The following XRCC4 variants were observed in gnomAD, a reference collection of about 807,000 sequenced individuals.
The protein encoded by XRCC4 is X-ray repair cross complementing 4, also known as DNA repair protein XRCC4.
A neutral mutation model predicts 39.1 loss-of-function variants in XRCC4; 28 were observed. That is an observed-to-expected ratio of 0.72 (90% CI 0.53 to 0.98). XRCC4 has a LOEUF of 0.98. XRCC4 is among the 50% of genes least tolerant of loss of function. The probability of loss-of-function intolerance (pLI) is 0.00; values close to 1 mark genes in which losing one functional copy is unlikely to be tolerated. For missense variants in XRCC4, 350 were observed against 376.4 expected (o/e 0.93, Z 0.58); for synonymous variants, 123 against 126.4 (o/e 0.97, Z 0.18).
At chr5:83,323,981 T>G (rs1016492204) in intron 7 of XRCC4, among the ~76,000 whole-genome samples, 4 of 152,074 alleles carry the variant, frequency 2.6e-5, no homozygotes, top group African/African-American at 9.7e-5. Context: ...TCAGTTTCAC[T>G]TCAGTTTTTT....
Position 83,353,259 on chromosome 5 carries a change from T to C in XRCC4, c.*17T>C, listed in dbSNP as rs1757135481. On this transcript the variant is annotated 3_prime_UTR_variant, in exon 8 of 8. Transcript: ENST00000396027. ...GAGATTTAACAGTCTCAAAAAATAC[T>C]TTGATGTTCACTAGACTATGTTTTC... 2 of 1,548,686 alleles carry C rather than the reference T, an allele frequency of 1.3e-6. No homozygotes were observed. Among genetic ancestry groups the C allele is most frequent in the East Asian group, 2.3e-5 (1 of 44,128 alleles).
intron 2 of XRCC4, among the ~76,000 whole-genome samples, chr5:83,105,715 C>G (rs981074516): frequency 2.0e-5 from 3 of 152,040 alleles, no homozygotes; most frequent in East Asian, 3.8e-4. Flanking sequence ...TAATACTCTT[C>G]TAAAGTATCT....
intron 7 of XRCC4, among the ~76,000 whole-genome samples, chr5:83,338,709 C>T (rs1234165216): frequency 6.6e-6 from 1 of 152,110 alleles, no homozygotes; most frequent in Non-Finnish European, 1.5e-5. Flanking sequence ...TCAAAATGAA[C>T]ATCAGTTCAG....
chr5:83,368,630 C>T, the XRCC4 span, among the ~76,000 whole-genome samples: 1 of 152,168 alleles, frequency 6.6e-6, no homozygotes, highest in African/African-American at 2.4e-5. Context: ...GGGAAGTTGG[C>T]TGTGCTCTGC....
intron 7 of XRCC4, among the ~76,000 whole-genome samples, chr5:83,329,079 G>T (rs1278092561): frequency 6.6e-6 from 1 of 151,938 alleles, no homozygotes; most frequent in African/African-American, 2.4e-5. Context: ...CCAGCAAGTT[G>T]ATTTTTTATT....
intron 3 of XRCC4, among the ~76,000 whole-genome samples, chr5:83,171,457 A>G (rs1259035634): frequency 6.6e-6 from 1 of 152,184 alleles, no homozygotes; most frequent in African/African-American, 2.4e-5. Flanking sequence ...TGAACTTCCA[A>G]CAATTACAAT....
intron 3 of XRCC4, among the ~76,000 whole-genome samples, chr5:83,163,158 G>GTTGGTC (rs1461143560): frequency 6.6e-6 from 1 of 151,892 alleles, no homozygotes; most frequent in Non-Finnish European, 1.5e-5. Flanking sequence ...TTTTGGCCAG[G>GTTGGTC]TTGGTCTTGA....
intron 7 of XRCC4, among the ~76,000 whole-genome samples, chr5:83,310,577 T>G (rs777275401): frequency 5.3e-5 from 8 of 152,190 alleles, no homozygotes; most frequent in Non-Finnish European, 1.0e-4. Context: ...ATGCCTGGAA[T>G]CTATGGTGAC....
intron 6 of XRCC4, among the ~76,000 whole-genome samples, chr5:83,231,103 T>G (rs932174415): frequency 1.3e-5 from 2 of 152,052 alleles, no homozygotes; most frequent in African/African-American, 4.8e-5. Flanking sequence ...GTGGAAAAGA[T>G]TTAGACTGTG....
intron 1 of XRCC4, among the ~76,000 whole-genome samples, chr5:83,082,533 G>A (rs896884934): frequency 3.3e-5 from 5 of 152,146 alleles, no homozygotes; most frequent in African/African-American, 1.2e-4. Flanking sequence ...ATATACAGAA[G>A]AATAAAACAT....
chr5:83,113,872 C>T (rs186030616), intron 3 of XRCC4, among the ~76,000 whole-genome samples: 34 of 152,256 alleles, frequency 2.2e-4, no homozygotes, highest in South Asian at 1.7e-3. Context: ...GTGATCCGCC[C>T]GCCTCAGCCC....
At chr5:83,340,089 A>G (rs1756709429) in intron 7 of XRCC4, among the ~76,000 whole-genome samples, 1 of 152,204 alleles carries the variant, frequency 6.6e-6, no homozygotes, top group Non-Finnish European at 1.5e-5. Flanking sequence ...TTTGAGCTAT[A>G]GATAATATTA....
intron 3 of XRCC4, among the ~76,000 whole-genome samples, chr5:83,120,422 A>G (rs1481219203): frequency 3.3e-5 from 5 of 152,200 alleles, no homozygotes; most frequent in Admixed American, 1.3e-4. Flanking sequence ...CAGGCTCCCA[A>G]CTACCTGTTT....
chr5:83,140,434 C>G (rs1401865998), intron 3 of XRCC4, among the ~76,000 whole-genome samples: 1 of 152,218 alleles, frequency 6.6e-6, no homozygotes, highest in Non-Finnish European at 1.5e-5. Context: ...TCCCACCTTT[C>G]TCGCCTGCTT....
chr5:83,144,676 T>A (rs1748365835), intron 3 of XRCC4, among the ~76,000 whole-genome samples: 1 of 151,628 alleles, frequency 6.6e-6, no homozygotes, highest in African/African-American at 2.4e-5. Context: ...CATTCTCTTT[T>A]TTCCTTTTCT....
intron 3 of XRCC4, among the ~76,000 whole-genome samples, chr5:83,122,319 C>A (rs1296012728): frequency 1.3e-5 from 2 of 152,006 alleles, no homozygotes; most frequent in East Asian, 3.9e-4. Context: ...ATATTTAGGT[C>A]AGTGTTTCCT....
At position 83,342,812 on chromosome 5, in the gene XRCC4, A is replaced by G. The variant is rs574503021; in HGVS notation, c.894-10319A>G. ...CTAAGATCAAATTTTTTTTAATACTAACATTTAAAATTTGAAAATACAGTG... is the reference window on the plus strand; with the variant it reads ...CTAAGATCAAATTTTTTTTAATACTGACATTTAAAATTTGAAAATACAGTG... On this transcript the variant is annotated intron_variant, in intron 7 of 7. Coordinates refer to ENST00000396027, the MANE Select transcript of XRCC4 (RefSeq NM_003401.5). 2.9e-4 allele frequency among the ~76,000 whole-genome samples: 44 copies of G among 152,258 alleles called. 1 individual carries two copies. The South Asian group carries it at 8.1e-3, about 28-fold the overall frequency.
intron 6 of XRCC4, among the ~76,000 whole-genome samples, chr5:83,222,357 A>G (rs916102079): frequency 1.3e-5 from 2 of 152,180 alleles, no homozygotes; most frequent in African/African-American, 4.8e-5. Flanking sequence ...CACACTTTTT[A>G]AAACAACACT....
intron 3 of XRCC4, among the ~76,000 whole-genome samples, chr5:83,161,310 T>G (rs190742831): frequency 1.3e-5 from 2 of 152,236 alleles, no homozygotes; most frequent in Non-Finnish European, 2.9e-5. Context: ...TTTCGTATTT[T>G]TAGTAGAGAC....
Sources: gnomAD v4.1 joint callset for allele counts (sites outside exome capture counted in the v4.1 genomes callset) on GRCh38, gnomAD v4.1.1 for gene constraint, MANE v1.5 for transcripts, NCBI Gene and HGNC (gene_info 2026-07-23, HGNC 2026-07-21) for gene names.